HIPK1: variants seen among roughly 807,000 people sequenced by gnomAD.
HIPK1 encodes homeodomain-interacting protein kinase 1.
A neutral mutation model predicts 117.1 loss-of-function variants in HIPK1; 28 were observed. That is an observed-to-expected ratio of 0.24 (90% CI 0.18 to 0.33). The LOEUF is 0.33. Among genes scored for constraint, HIPK1 ranks in the 10% least tolerant of loss-of-function variants. The probability of loss-of-function intolerance (pLI) is 1.00; values close to 1 mark genes in which losing one functional copy is unlikely to be tolerated. For missense variants in HIPK1, 1,122 were observed against 1,475.1 expected, an observed-to-expected ratio of 0.76 and a Z score of 3.92; for synonymous variants, 605 against 562.5, an observed-to-expected ratio of 1.08 and a Z score of -1.07.
intron 9 of HIPK1, among the ~76,000 whole-genome samples, chr1:113,962,713 C>T (rs554763651): frequency 6.6e-6 from 1 of 151,930 alleles, no homozygotes; most frequent in African/African-American, 2.4e-5. Context: ...CGGGGTGAAG[C>T]GTTTTTTTTT....
rs1482918015 is a variant in HIPK1 at position 113,940,759 on chromosome 1, A to C, written c.376A>C (p.Lys126Gln). ...ATATCAAAAATGTGGATTGAAACGA[A>C]AAAGTGAGGAAGTTGACAGCAACGG... ...EPYQKCGLKRKSEEVDSNGSV... is the reference protein window; with the variant it reads ...EPYQKCGLKRQSEEVDSNGSV... Residue 126 changes from lysine (K) to glutamine (Q), a missense_variant, in exon 2 of 16, where the codon AAA becomes CAA. Physicochemically the swap from Lys to Gln is moderately conservative, Grantham distance 53 (BLOSUM62 1). Transcript: ENST00000426820. The C allele has an allele frequency of 6.2e-7, 1 of 1,614,102 alleles. No individual in the cohort carries two copies. The highest frequency in any genetic ancestry group is 1.7e-5 in the Admixed American group (1 of 60,014).
chr1:113,929,617 C>T, intron 1 of HIPK1, 85 bp downstream of exon 1: 2 of 1,133,364 alleles, frequency 1.8e-6, no homozygotes, highest in Non-Finnish European at 2.3e-6. Flanking sequence ...GCATTCCGTT[C>T]GTCGGGTCTG....
intron 14 of HIPK1, among the ~76,000 whole-genome samples, chr1:113,970,528 G>C (rs2101495573): frequency 6.6e-6 from 1 of 152,304 alleles, no homozygotes; most frequent in East Asian, 1.9e-4. Flanking sequence ...TTTGAATTTG[G>C]CAATTGAGAT....
At chr1:113,963,312 G>A in intron 9 of HIPK1, 75 bp from the exon 10 acceptor site, 1 of 1,510,410 alleles carries the variant, frequency 6.6e-7, no homozygotes, top group Non-Finnish European at 9.1e-7. Context: ...TAACTTGGGG[G>A]GAATGAGAAC....
intron 1 of HIPK1, among the ~76,000 whole-genome samples, chr1:113,938,423 A>G (rs1285943682): frequency 6.6e-6 from 1 of 152,010 alleles, no homozygotes. Context: ...AATCTTGGAC[A>G]TTATCTCCAA....
chr1:113,958,542 C>T (rs1012501544), intron 8 of HIPK1, among the ~76,000 whole-genome samples: 2 of 152,190 alleles, frequency 1.3e-5, no homozygotes, highest in African/African-American at 4.8e-5. Flanking sequence ...TACCAGTTTT[C>T]TTGCCCATTG....
intron 3 of HIPK1, chr1:113,953,855 GA>G (rs1671530175): frequency 6.6e-6 from 1 of 151,858 alleles, no homozygotes; most frequent in Non-Finnish European, 1.5e-5. Context: ...TGCCCTTTAT[GA>G]TGTAAGCTCC....
At chr1:113,929,911 C>G in intron 1 of HIPK1, 2 of 986,418 alleles carry the variant, frequency 2.0e-6, no homozygotes, top group Non-Finnish European at 2.4e-6. Context: ...GCAGCCCCAG[C>G]TCGCGGCTGA....
chr1:113,950,318 C>A (rs1306905793), intron 2 of HIPK1, among the ~76,000 whole-genome samples: 2 of 152,156 alleles, frequency 1.3e-5, no homozygotes, highest in African/African-American at 4.8e-5. Flanking sequence ...TTAGATGGTT[C>A]TTCACGGAAA....
rs1673015821 is a variant in HIPK1 at position 113,974,100 on chromosome 1, T to C, written c.*588T>C. The C allele has an allele frequency of 6.6e-6, 1 of 152,370 alleles. No individual in the cohort carries two copies. Among genetic ancestry groups the C allele is most frequent in the Non-Finnish European group, 1.5e-5 (1 of 68,018 alleles). 9.4% of individuals were successfully genotyped at this position (152,370 alleles called of 1,614,324 possible). ...GAGTTTCAGTTTTGTTTTAATGTCATATTATACTTAATGGGCAATTGTTAT... is the reference window on the plus strand; with the variant it reads ...GAGTTTCAGTTTTGTTTTAATGTCACATTATACTTAATGGGCAATTGTTAT... On this transcript the variant is annotated 3_prime_UTR_variant, in exon 16 of 16. Transcript: ENST00000426820.
chr1:113,929,433 C>T lies in HIPK1; in HGVS notation c.-102C>T, dbSNP rs999457662. The T allele has an allele frequency of 8.5e-6, 11 of 1,289,288 alleles. No individual in the cohort carries two copies. The African/African-American group carries it at 1.5e-4, about 18-fold the overall frequency. 79.9% of individuals were successfully genotyped at this position (1,289,288 alleles called of 1,614,324 possible). ...AGGCCCCGCACTCGATCCACGCTGGCTCCCTACGGAGGCCCACCTACTCGA... is the reference window on the plus strand; with the variant it reads ...AGGCCCCGCACTCGATCCACGCTGGTTCCCTACGGAGGCCCACCTACTCGA... On this transcript the variant is annotated 5_prime_UTR_variant, in exon 1 of 16. Coordinates refer to ENST00000426820, the MANE Select transcript of HIPK1 (RefSeq NM_198268.3).
Position 113,973,169 on chromosome 1 carries a change from A to G in HIPK1, c.3290A>G (p.His1097Arg), listed in dbSNP as rs1053087623. ...GSPLHSTGHP[H>R]LAPAPAHLPS... Reference sequence around the variant, plus strand: ...CCGCTACACTCGACAGGGCACCCACACCTTGCCCCGGCCCCTGCTCACCTG... The same window carrying G: ...CCGCTACACTCGACAGGGCACCCACGCCTTGCCCCGGCCCCTGCTCACCTG... The change falls in exon 16 of 16, where the codon CAC becomes CGC. Residue 1097 changes from histidine (H) to arginine (R), a missense_variant. Physicochemically the swap from His to Arg is conservative, Grantham distance 29 (BLOSUM62 0). Coordinates refer to ENST00000426820, the MANE Select transcript of HIPK1 (RefSeq NM_198268.3). 6.2e-7 allele frequency: 1 copy of G among 1,609,426 alleles called. No individual in the cohort carries two copies. The highest frequency in any genetic ancestry group is 1.1e-5 in the South Asian group (1 of 90,106).
At position 113,955,619 on chromosome 1, in the gene HIPK1, C is replaced by T. The variant is rs1441316208; in HGVS notation, c.1377C>T (p.Tyr459=). Reference sequence around the variant, plus strand: ...TAAAATCAAAAGAAGCTCGGAAGTACATTTTTAATTGCTTAGATGACATGG... The same window carrying T: ...TAAAATCAAAAGAAGCTCGGAAGTATATTTTTAATTGCTTAGATGACATGG... ...TGIKSKEARK[Y]IFNCLDDMAQ... is the part of the protein sequence containing the mutation. The change falls in exon 5 of 16, where the codon TAC becomes TAT. Residue 459 remains tyrosine (Y), a synonymous_variant. Transcript: ENST00000426820. 1 of 1,605,016 alleles carries T rather than the reference C, an allele frequency of 6.2e-7. No homozygotes were observed. Among genetic ancestry groups the T allele is most frequent in the Non-Finnish European group, 8.5e-7 (1 of 1,172,210 alleles).
intron 1 of HIPK1, among the ~76,000 whole-genome samples, chr1:113,931,666 GT>G (rs1011167436): frequency 7.9e-5 from 12 of 152,120 alleles, no homozygotes; most frequent in Non-Finnish European, 1.2e-4. Flanking sequence ...TAATCTCAAA[GT>G]TCACAATTCT....
intron 1 of HIPK1, among the ~76,000 whole-genome samples, chr1:113,934,321 G>T (rs1670109937): frequency 6.6e-6 from 1 of 152,158 alleles, no homozygotes; most frequent in Admixed American, 6.5e-5. Context: ...TCCATTCAGG[G>T]TTATAATATT....
chr1:113,939,123 C>T (rs1478039212), intron 1 of HIPK1, among the ~76,000 whole-genome samples: 4 of 151,874 alleles, frequency 2.6e-5, no homozygotes, highest in Admixed American at 2.0e-4. Flanking sequence ...ATTGCTATCA[C>T]CATTATGTAG....
At chr1:113,972,078 G>A (rs748375468) in intron 15 of HIPK1, 124 bp downstream of exon 15, 1 of 1,610,626 alleles carries the variant, frequency 6.2e-7, no homozygotes, top group South Asian at 1.1e-5. Context: ...AAACAATTTT[G>A]TGTTCTATGG....
At chr1:113,940,302 GTGTGTGTGTT>G (rs749756262) in intron 1 of HIPK1, 70 bp from the exon 2 acceptor site, 75 of 1,210,028 alleles carry the variant, frequency 6.2e-5, no homozygotes, top group Non-Finnish European at 8.1e-5. Context: ...GTAAAAGTGT[GTGTGTGTGTT>G]TGTGTGTTTT....
intron 11 of HIPK1, 138 bp from the exon 12 acceptor site, chr1:113,967,628 C>G (rs1672540520): frequency 2.1e-6 from 1 of 466,424 alleles, no homozygotes; most frequent in East Asian, 3.4e-5. Context: ...GGTTATTAAT[C>G]CCTTATCAGA....
Sources: allele counts gnomAD v4.1 joint callset (sites outside exome capture counted in the v4.1 genomes callset), GRCh38; gene constraint gnomAD v4.1.1; transcripts MANE v1.5; gene names NCBI Gene and HGNC (gene_info 2026-07-23, HGNC 2026-07-21).